The following NRXN3 variants were observed in gnomAD, a reference collection of about 807,000 sequenced individuals.
NRXN3 encodes the protein neurexin 3.
NRXN3 carries 32 observed loss-of-function variants against 137.6 expected under a neutral mutation model. That is an observed-to-expected ratio of 0.23 (90% CI 0.18 to 0.31). NRXN3 has a LOEUF of 0.31. Ranked by LOEUF, NRXN3 falls within the 10% of genes least tolerant of loss-of-function variation. The probability of loss-of-function intolerance (pLI) is 1.00; values close to 1 mark genes in which losing one functional copy is unlikely to be tolerated. For synonymous variants in NRXN3, 798 were observed against 784.5 expected (o/e 1.02, Z -0.29); for missense variants, 1,574 against 2,062.5 (o/e 0.76, Z 4.59).
rs192538629 is a variant in NRXN3, at chr14:78,800,830, G to A, written c.2045-2790G>A. On this transcript the variant is annotated intron_variant, in intron 8 of 20. Transcript: ENST00000335750. ...GTTTTTCTCTTTTGTTCACTGTTAC[G>A]TCTATCACCTAGAATAGTGCCTGGC... 5.3e-5 allele frequency among the ~76,000 whole-genome samples: 8 copies of A among 152,102 alleles called. No homozygotes were observed. The South Asian group carries it at 6.2e-4, about 12-fold the overall frequency.
At chr14:79,148,528 C>T (rs2059511968) in intron 15 of NRXN3, among the ~76,000 whole-genome samples, 1 of 152,132 alleles carries the variant, frequency 6.6e-6, no homozygotes, top group Non-Finnish European at 1.5e-5. Context: ...TAGCTCAAAG[C>T]AGAACCCAGT....
At chr14:78,330,226 G>A (rs905918334) in intron 4 of NRXN3, among the ~76,000 whole-genome samples, 1 of 152,054 alleles carries the variant, frequency 6.6e-6, no homozygotes, top group African/African-American at 2.4e-5. Context: ...TTGAGGAATG[G>A]GTAAGTGTGA....
chr14:78,765,402 C>T (rs2098705723), intron 8 of NRXN3, among the ~76,000 whole-genome samples: 1 of 152,164 alleles, frequency 6.6e-6, no homozygotes, highest in South Asian at 2.1e-4. Flanking sequence ...ATCCGCCTGC[C>T]TCGGCCTCCC....
chr14:79,451,925 CCAGCGTT>C (rs1418504366), intron 15 of NRXN3, among the ~76,000 whole-genome samples: 16 of 151,858 alleles, frequency 1.1e-4, no homozygotes, highest in Admixed American at 3.3e-4. Flanking sequence ...GGAAGCAGAC[CCAGCGTT>C]CAAATGCAGG....
intron 4 of NRXN3, among the ~76,000 whole-genome samples, chr14:78,580,965 C>G (rs180908611): frequency 6.6e-6 from 1 of 152,324 alleles, no homozygotes; most frequent in East Asian, 1.9e-4. Context: ...TCACATCATA[C>G]TGTTCTACGA....
At chr14:79,167,936 GT>G (rs59584874) in intron 15 of NRXN3, among the ~76,000 whole-genome samples, 3,861 of 133,802 alleles carry the variant, frequency 0.029, 151 homozygotes, top group African/African-American at 0.092. Flanking sequence ...TTCTTTCCTT[GT>G]TTTTTTTTTT....
intron 20 of NRXN3, among the ~76,000 whole-genome samples, chr14:79,836,255 A>G (rs1267306617): frequency 6.6e-6 from 1 of 152,182 alleles, no homozygotes; most frequent in East Asian, 1.9e-4. Flanking sequence ...AGCCACAGCT[A>G]TTGTTTTGAT....
intron 6 of NRXN3, among the ~76,000 whole-genome samples, chr14:78,694,042 A>G (rs1442822143): frequency 6.6e-6 from 1 of 151,924 alleles, no homozygotes; most frequent in African/African-American, 2.4e-5. Flanking sequence ...CCACTCATTT[A>G]TCAGGTCTCA....
chr14:78,976,507 G>A (rs907734115), intron 14 of NRXN3, among the ~76,000 whole-genome samples: 3 of 152,072 alleles, frequency 2.0e-5, no homozygotes, highest in Non-Finnish European at 4.4e-5. Context: ...CTTTAGTTAG[G>A]TAAAGGAAAT....
chr14:78,752,750 G>A (rs1002959043), intron 8 of NRXN3, among the ~76,000 whole-genome samples: 1 of 152,214 alleles, frequency 6.6e-6, no homozygotes, highest in African/African-American at 2.4e-5. Flanking sequence ...CAGATTGGCT[G>A]CAATGTGGGG....
At chr14:79,426,115 A>G (rs994841123) in intron 15 of NRXN3, among the ~76,000 whole-genome samples, 3 of 152,164 alleles carry the variant, frequency 2.0e-5, no homozygotes, top group Non-Finnish European at 2.9e-5. Context: ...CAGGAGAGGC[A>G]TAATTAACCA....
intron 11 of NRXN3, among the ~76,000 whole-genome samples, chr14:78,964,931 G>A (rs953249390): frequency 2.6e-5 from 4 of 151,874 alleles, no homozygotes; most frequent in African/African-American, 9.7e-5. Context: ...CAACTCAAAC[G>A]CTTTAAGCAT....
intron 15 of NRXN3, among the ~76,000 whole-genome samples, chr14:79,094,146 G>C (rs756119913): frequency 6.6e-6 from 1 of 152,142 alleles, no homozygotes; most frequent in Non-Finnish European, 1.5e-5. Context: ...GGACTGCTCT[G>C]ATCTCTGCCG....
At chr14:79,548,445 A>G (rs911086035) in intron 16 of NRXN3, among the ~76,000 whole-genome samples, 4 of 152,082 alleles carry the variant, frequency 2.6e-5, no homozygotes, top group African/African-American at 9.7e-5. Context: ...TCATTGATAG[A>G]CATTTGGGTT....
intron 15 of NRXN3, chr14:79,280,080 G>A (rs574638865): frequency 7.2e-7 from 1 of 1,381,488 alleles, no homozygotes; most frequent in Non-Finnish European, 9.3e-7. Flanking sequence ...GGAAAGAGAA[G>A]GGGCTTTTTG....
At chr14:79,349,092 G>A (rs948278819) in intron 15 of NRXN3, among the ~76,000 whole-genome samples, 2 of 152,124 alleles carry the variant, frequency 1.3e-5, no homozygotes, top group Non-Finnish European at 1.5e-5. Context: ...GGAGTAAATT[G>A]CTTTATGGAT....
intron 14 of NRXN3, among the ~76,000 whole-genome samples, chr14:78,983,711 G>T (rs540609276): frequency 1.3e-5 from 2 of 151,968 alleles, no homozygotes; most frequent in East Asian, 3.9e-4. Context: ...ACAAAAATTA[G>T]CCAGGCATGG....
intron 15 of NRXN3, among the ~76,000 whole-genome samples, chr14:79,382,918 A>G (rs1054106246): frequency 3.3e-5 from 5 of 151,856 alleles, no homozygotes; most frequent in Non-Finnish European, 7.4e-5. Context: ...GATTTGAACT[A>G]CAAAAACCGT....
Position 79,092,317 on chromosome 14 carries a change from A to G in NRXN3, c.3262+104176A>G, listed in dbSNP as rs975073167. On this transcript the variant is annotated intron_variant, in intron 15 of 20. Coordinates refer to ENST00000335750, the MANE Select transcript of NRXN3 (RefSeq NM_001330195.2). ...TCTTTTGTAATCACATGATTAATAC[A>G]TGCTATTGAAAAAGGTTTCAAAATG... Among the ~76,000 whole-genome samples, 82 of 152,204 alleles carry G rather than the reference A, an allele frequency of 5.4e-4. 1 individual carries two copies. Among genetic ancestry groups the G allele is most frequent in the Non-Finnish European group, 1.2e-4 (8 of 68,040 alleles).
Sources: gnomAD v4.1 joint callset for allele counts (sites outside exome capture counted in the v4.1 genomes callset) on GRCh38, gnomAD v4.1.1 for gene constraint, MANE v1.5 for transcripts, NCBI Gene and HGNC (gene_info 2026-07-23, HGNC 2026-07-21) for gene names.